The following ZNF469 variants were observed in gnomAD, a reference collection of about 807,000 sequenced individuals.
ZNF469 encodes zinc finger protein 469.
A neutral mutation model predicts 1.0 loss-of-function variants in ZNF469; 1 was observed. The ratio of observed to expected loss-of-function variants is 1.00; its 90% confidence interval spans 0.35 to 4.73. ZNF469 has a LOEUF of 4.73. ZNF469 is among the 30% of genes most tolerant of loss of function. ZNF469 has a pLI of 0.16. For synonymous variants in ZNF469, 2,703 were observed against 2,363.4 expected, an observed-to-expected ratio of 1.14 and a Z score of -4.17; for missense variants, 6,100 against 5,356.3, an observed-to-expected ratio of 1.14 and a Z score of -4.33.
At chr16:88,292,050 G>A in the ZNF469 span, among the ~76,000 whole-genome samples, 3 of 152,236 alleles carry the variant, frequency 2.0e-5, no homozygotes, top group South Asian at 2.1e-4. Flanking sequence ...GGTCCCAGGA[G>A]TCTGGAGAAC....
At chr16:88,275,080 G>A in the ZNF469 span, among the ~76,000 whole-genome samples, 2 of 152,220 alleles carry the variant, frequency 1.3e-5, no homozygotes, top group Non-Finnish European at 2.9e-5. Context: ...TCTGTGGGCT[G>A]GAGAGATAGG....
At chr16:88,290,240 G>T in the ZNF469 span, among the ~76,000 whole-genome samples, 2 of 152,228 alleles carry the variant, frequency 1.3e-5, no homozygotes, top group Non-Finnish European at 2.9e-5. Context: ...CTGTGCAGCT[G>T]ATGGACTTTC....
chr16:88,417,228 G>T (rs896928300), intron 1 of ZNF469, among the ~76,000 whole-genome samples: 5 of 148,736 alleles, frequency 3.4e-5, no homozygotes, highest in Non-Finnish European at 7.4e-5. Context: ...CTCCGCCACT[G>T]TGTGGCCTGG....
the ZNF469 span, among the ~76,000 whole-genome samples, chr16:88,195,651 G>A: frequency 6.6e-6 from 1 of 152,198 alleles, no homozygotes; most frequent in Non-Finnish European, 1.5e-5. Flanking sequence ...GAGGGCATGG[G>A]CCCAGCTAAC....
At chr16:88,112,640 T>C in the ZNF469 span, among the ~76,000 whole-genome samples, 2 of 152,210 alleles carry the variant, frequency 1.3e-5, no homozygotes, top group African/African-American at 4.8e-5. Flanking sequence ...TTAGATTCTT[T>C]CCTATAGAGT....
the ZNF469 span, among the ~76,000 whole-genome samples, chr16:88,310,299 TG>T: frequency 4.9e-3 from 745 of 152,046 alleles, 10 homozygotes; most frequent in African/African-American, 0.016. Context: ...TTTGGGGAGC[TG>T]GGGGGTGGGA....
intron 1 of ZNF469, among the ~76,000 whole-genome samples, chr16:88,408,775 G>A (rs1032552887): frequency 1.3e-5 from 2 of 152,236 alleles, no homozygotes; most frequent in Non-Finnish European, 2.9e-5. Context: ...TGGCCCGAGA[G>A]AGGGGCCGCC....
At chr16:88,308,608 T>C in the ZNF469 span, among the ~76,000 whole-genome samples, 2 of 152,110 alleles carry the variant, frequency 1.3e-5, no homozygotes, top group Non-Finnish European at 2.9e-5. Flanking sequence ...GGATTCCTTC[T>C]CTTCTTCACT....
At chr16:88,259,708 C>T in the ZNF469 span, among the ~76,000 whole-genome samples, 2 of 151,418 alleles carry the variant, frequency 1.3e-5, no homozygotes, top group East Asian at 3.9e-4. This position sits in a 1 kb window ranked among gnomAD's most constrained non-coding sequence, Gnocchi z 4.1. Flanking sequence ...CCTGCACTCA[C>T]ACCAATGTCC....
the ZNF469 span, among the ~76,000 whole-genome samples, chr16:88,147,052 TG>T: frequency 5.3e-5 from 8 of 152,106 alleles, no homozygotes; most frequent in Admixed American, 5.2e-4. Context: ...TGCCCTCACG[TG>T]GCAAAAGGGA....
chr16:88,358,338 G>A, the ZNF469 span, among the ~76,000 whole-genome samples: 2 of 152,208 alleles, frequency 1.3e-5, no homozygotes, highest in African/African-American at 4.8e-5. Context: ...GGCCTCCAGG[G>A]ACCGTGTTGG....
the ZNF469 span, among the ~76,000 whole-genome samples, chr16:88,130,945 A>G: frequency 6.6e-6 from 1 of 152,158 alleles, no homozygotes; most frequent in Non-Finnish European, 1.5e-5. Flanking sequence ...TGGCGTCCCG[A>G]TGAGGACGAG....
chr16:88,197,449 C>T, the ZNF469 span, among the ~76,000 whole-genome samples: 9 of 152,210 alleles, frequency 5.9e-5, no homozygotes, highest in African/African-American at 2.2e-4. Flanking sequence ...GTTTATCCCA[C>T]AGGATTAAAT....
the ZNF469 span, among the ~76,000 whole-genome samples, chr16:88,288,220 A>C: frequency 1.3e-5 from 2 of 152,050 alleles, no homozygotes; most frequent in African/African-American, 4.8e-5. Context: ...TCCTAGATCC[A>C]TGCCCTTCAC....
the ZNF469 span, among the ~76,000 whole-genome samples, chr16:88,320,333 C>G: frequency 2.0e-5 from 3 of 152,156 alleles, no homozygotes; most frequent in African/African-American, 4.8e-5. Context: ...AACAGTGAGG[C>G]CTTGCGTCTT....
chr16:88,127,699 T>A, the ZNF469 span, among the ~76,000 whole-genome samples: 1 of 152,112 alleles, frequency 6.6e-6, no homozygotes, highest in African/African-American at 2.4e-5. Context: ...GCTGTGTGAG[T>A]TGAGCACTGG....
the ZNF469 span, among the ~76,000 whole-genome samples, chr16:88,281,813 A>G: frequency 1.5e-5 from 2 of 136,936 alleles, no homozygotes; most frequent in African/African-American, 2.8e-5. Context: ...CAATTTTGGC[A>G]CACAGGTTGG....
chr16:88,411,370 T>G (rs1597197624), intron 1 of ZNF469, among the ~76,000 whole-genome samples: 3 of 139,766 alleles, frequency 2.1e-5, no homozygotes, highest in Non-Finnish European at 3.1e-5. Context: ...CCAGGGGGAG[T>G]GGCGGGCAGG....
chr16:88,126,104 G>C, the ZNF469 span, among the ~76,000 whole-genome samples: 1 of 147,260 alleles, frequency 6.8e-6, no homozygotes, highest in African/African-American at 2.5e-5. Flanking sequence ...CAGGAGAATT[G>C]CTTGAACCTG....
Sources: allele counts gnomAD v4.1 joint callset (sites outside exome capture counted in the v4.1 genomes callset), GRCh38; gene constraint gnomAD v4.1.1; non-coding constraint Gnocchi (gnomAD v3.1); transcripts MANE v1.5; gene names NCBI Gene and HGNC (gene_info 2026-07-23, HGNC 2026-07-21).